Variants in ARHGAP27 observed in about 807,000 individuals in gnomAD.
ARHGAP27 encodes the protein rho GTPase-activating protein 27.
A neutral mutation model predicts 102.0 loss-of-function variants in ARHGAP27; 53 were observed. The ratio of observed to expected loss-of-function variants is 0.52; its 90% CI spans 0.42 to 0.65. ARHGAP27 has a LOEUF of 0.65. Among genes scored for constraint, ARHGAP27 ranks in the 30% least tolerant of loss-of-function variants. ARHGAP27 has a pLI of 0.00. For missense variants in ARHGAP27, 1,117 were observed against 1,256.2 expected (o/e 0.89, Z 1.68); for synonymous variants, 525 against 542.8 (o/e 0.97, Z 0.46).
chr17:45,399,363 C>T lies in ARHGAP27; in HGVS notation c.1744-1316G>A, dbSNP rs1342350968. On this transcript the variant is annotated intron_variant, in intron 12 of 19. Transcript: ENST00000685559. ...ATCCCAGCACTTTGGGAGGCTGAGG[C>T]GGGTGGATCATGAGGTCAGGAGATG... is the stretch of plus-strand genomic sequence containing the variant. 3.9e-5 allele frequency among the ~76,000 whole-genome samples: 6 copies of T among 152,096 alleles called. No individual in the cohort carries two copies. The East Asian group carries it at 7.7e-4, about 20-fold the overall frequency.
chr17:45,407,512 T>A (rs979082198), intron 4 of ARHGAP27: 1 of 147,582 alleles, frequency 6.8e-6, no homozygotes, highest in African/African-American at 2.5e-5. Context: ...TTCTTTTTCT[T>A]TTTTTTCTTT....
rs1275115197 is a variant in ARHGAP27 at position 45,427,356 on chromosome 17, C to T, written c.657+2267G>A. ...CAACCCTATGCTCCACTCTGAGCCC[C>T]GGCCCCATGTCTTCTCTTGCTGGCC... On this transcript the variant is annotated intron_variant, in intron 4 of 19. Coordinates refer to ENST00000685559, the MANE Select transcript of ARHGAP27 (RefSeq NM_001282290.2). The surrounding 1 kb of genome is among the most constrained non-coding windows in gnomAD (Gnocchi z 4.5). Among the ~76,000 whole-genome samples, 3 of 152,240 alleles carry T rather than the reference C, an allele frequency of 2.0e-5. No individual in the cohort carries two copies. Among genetic ancestry groups the T allele is most frequent in the Non-Finnish European group, 2.9e-5 (2 of 68,048 alleles).
chr17:45,430,171 G>C lies in ARHGAP27; in HGVS notation c.109C>G (p.Leu37Val), dbSNP rs1567743910. 6.5e-7 allele frequency: 1 copy of C among 1,539,422 alleles called. No individual in the cohort carries two copies. Among genetic ancestry groups the C allele is most frequent in the East Asian group, 2.4e-5 (1 of 41,100 alleles). ...CAGTGCTCGGTGCTGCGCCGCAGCA[G>C]CCGGTAGCGCTCATTCGGCCGGATG... is the stretch of plus-strand genomic sequence containing the variant. ...VAIRPNERYR[L>V]LRRSTEHWWH... Residue 37 changes from leucine to valine, a missense_variant, in exon 4 of 20, where the codon CTG becomes GTG. By Grantham distance (32) the Leu-to-Val change is conservative (BLOSUM62 1). Coordinates refer to ENST00000685559, the MANE Select transcript of ARHGAP27 (RefSeq NM_001282290.2). This position sits in a 1 kb window ranked among gnomAD's most constrained non-coding sequence, Gnocchi z 4.4.
chr17:45,396,451 C>G (rs1481794893), intron 16 of ARHGAP27, 36 bp downstream of exon 16: 7 of 1,497,248 alleles, frequency 4.7e-6, no homozygotes, highest in Non-Finnish European at 6.2e-6. Context: ...GCGGGCACCC[C>G]AATGCCTGCC....
chr17:45,423,846 G>A (rs2049279750), intron 4 of ARHGAP27, among the ~76,000 whole-genome samples: 1 of 152,228 alleles, frequency 6.6e-6, no homozygotes, highest in Non-Finnish European at 1.5e-5. Flanking sequence ...CGCATAAGAA[G>A]GCAGAATAAA....
At position 45,395,573 on chromosome 17, in the gene ARHGAP27, C is replaced by A; in HGVS notation, c.2553G>T (p.Gly851=). ...MSVQSVAIVF[G]PTLLRPEVEE... is the part of the protein sequence containing the mutation. ...CCACCTCGGGCCGCAGCAGCGTGGG[C>A]CCGAACACAATGGCCACGCTCTGCA... Residue 851 remains glycine (G), a synonymous_variant, in exon 20 of 20, where the codon GGG becomes GGT. Coordinates refer to ENST00000685559, the MANE Select transcript of ARHGAP27 (RefSeq NM_001282290.2). 6.2e-7 allele frequency: 1 copy of A among 1,605,726 alleles called. No homozygotes were observed. Among genetic ancestry groups the A allele is most frequent in the Non-Finnish European group, 8.5e-7 (1 of 1,176,436 alleles).
intron 4 of ARHGAP27, among the ~76,000 whole-genome samples, chr17:45,411,663 C>G (rs972523157): frequency 7.2e-5 from 11 of 152,096 alleles, no homozygotes; most frequent in African/African-American, 1.7e-4. Flanking sequence ...AAGCCCAGAC[C>G]CCAGGGGTAG....
At chr17:45,424,959 G>T (rs1471634722) in intron 4 of ARHGAP27, among the ~76,000 whole-genome samples, 1 of 148,118 alleles carries the variant, frequency 6.8e-6, no homozygotes, top group Non-Finnish European at 1.5e-5. Context: ...TGAGAGCCAG[G>T]CACAGGCTCC....
Position 45,396,769 on chromosome 17 carries a change from A to T in ARHGAP27, c.1973T>A (p.Val658Glu). The T allele has an allele frequency of 6.2e-7, 1 of 1,613,032 alleles. No homozygotes were observed. Among genetic ancestry groups the T allele is most frequent in the Non-Finnish European group, 8.5e-7 (1 of 1,179,466 alleles). The change falls in exon 15 of 20, where the codon GTG becomes GAG. Residue 658 changes from valine to glutamate, a missense_variant. Val to Glu is a moderately radical substitution (Grantham distance 121). Around this residue, in one of 3 missense-constraint regions of ARHGAP27, gnomAD observed 493 missense variants for 505.5 expected, o/e 0.98. Coordinates refer to ENST00000685559, the MANE Select transcript of ARHGAP27 (RefSeq NM_001282290.2). ...PNAAAPALGP[V>E]GLESDLSKVR... ...CTTGCTCAAGTCGCTCTCCAGGCCCACGGGGCCCAGGGCGGGCGCGGCTGC... is the reference window on the plus strand; with the variant it reads ...CTTGCTCAAGTCGCTCTCCAGGCCCTCGGGGCCCAGGGCGGGCGCGGCTGC...
intron 4 of ARHGAP27, among the ~76,000 whole-genome samples, chr17:45,425,247 G>A (rs746742144): frequency 2.6e-5 from 4 of 152,016 alleles, no homozygotes; most frequent in African/African-American, 4.8e-5. Context: ...GGGGGGTGCC[G>A]GAGGAGGGAG....
chr17:45,404,128 G>C (rs2046824853), intron 9 of ARHGAP27, 32 bp from the exon 10 acceptor site: 1 of 1,613,362 alleles, frequency 6.2e-7, no homozygotes. Flanking sequence ...AGGCGCAAGA[G>C]TGTGTAGTTA....
rs1164212160 is a variant in ARHGAP27 at position 45,405,756 on chromosome 17, C to T, written c.985G>A (p.Glu329Lys). The T allele has an allele frequency of 1.3e-6, 2 of 1,597,278 alleles. No individual in the cohort carries two copies. The highest frequency in any genetic ancestry group is 1.7e-6 in the Non-Finnish European group (2 of 1,178,112). ...TCGGGCTCGTTCTCGGCCTCGTCCTCCCAGGCCGTCTCGCCCGTCAGCGGG... is the reference window on the plus strand; with the variant it reads ...TCGGGCTCGTTCTCGGCCTCGTCCTTCCAGGCCGTCTCGCCCGTCAGCGGG... ...YNPLTGETAW[E>K]DEAENEPEEE... Residue 329 changes from glutamate to lysine, a missense_variant, in exon 5 of 20, where the codon GAG becomes AAG. Around this residue, in one of 3 missense-constraint regions of ARHGAP27, gnomAD observed 610 missense variants for 716.4 expected, o/e 0.85. Transcript: ENST00000685559.
intron 12 of ARHGAP27, among the ~76,000 whole-genome samples, chr17:45,401,245 G>A (rs1314527953): frequency 2.6e-5 from 4 of 151,602 alleles, no homozygotes; most frequent in Non-Finnish European, 4.4e-5. Flanking sequence ...AGCCTTAGGT[G>A]GGAAGATCGC....
At position 45,395,647 on chromosome 17, in the gene ARHGAP27, G is replaced by A. The variant is rs1190975548; in HGVS notation, c.2493-14C>T. On this transcript the variant is annotated splice_polypyrimidine_tract_variant and intron_variant, in intron 19 of 19. Transcript: ENST00000685559. The stretch of plus-strand genomic sequence containing the variant: ...TGCTCGATCACCCTGTGGCAGGGGT[G>A]GGTGGGTTCAGGGCTCCGAACTGCG... 2 of 1,594,180 alleles carry A rather than the reference G, an allele frequency of 1.3e-6. No homozygotes were observed. Among genetic ancestry groups the A allele is most frequent in the Non-Finnish European group, 1.7e-6 (2 of 1,171,314 alleles).
In ARHGAP27 at chr17:45,429,728, C is replaced by A. The variant is rs541430644; in HGVS notation, c.552G>T (p.Ala184=). ...GAGGCCGCGGGCACACCCAGGAGCC[C>A]GCCACGCTGCAGGCCTTGAAGCTGC... ...SSGSFKACSV[A]GSWVCPRPLA... The change falls in exon 4 of 20, where the codon GCG becomes GCT. Residue 184 remains alanine, a synonymous_variant. Transcript: ENST00000685559. 6.5e-7 allele frequency: 1 copy of A among 1,543,424 alleles called. No individual in the cohort carries two copies. The highest frequency in any genetic ancestry group is 8.7e-7 in the Non-Finnish European group (1 of 1,144,400).
intron 4 of ARHGAP27, among the ~76,000 whole-genome samples, chr17:45,415,062 CAAA>C (rs546453138): frequency 3.3e-5 from 2 of 61,322 alleles, no homozygotes; most frequent in Non-Finnish European, 3.3e-5. Context: ...GAGTCCATCT[CAAA>C]AAAAAAAAAA....
Position 45,430,039 on chromosome 17 carries a change from G to A in ARHGAP27, c.241C>T (p.Pro81Ser). The A allele has an allele frequency of 2.4e-6, 3 of 1,255,674 alleles. No individual in the cohort carries two copies. Among genetic ancestry groups the A allele is most frequent in the Non-Finnish European group, 3.0e-6 (3 of 1,001,848 alleles). The allele number at this position is 1,255,674 out of a possible 1,614,324, so 77.8% of individuals were successfully genotyped here. ...TCAGGGGCCGCGGGGCTCGGGTGGG[G>A]ACCTGGCGGCGCGGCGGCGGCAGGG... The part of the protein sequence containing the change: ...GNPAAAAPPG[P>S]HPSPAAPEPL... Residue 81 changes from proline (P) to serine (S), a missense_variant, in exon 4 of 20, where the codon CCC (proline) becomes TCC (serine). Pro to Ser is a moderately conservative substitution (Grantham distance 74). Around this residue, in one of 3 missense-constraint regions of ARHGAP27, gnomAD observed 610 missense variants for 716.4 expected, o/e 0.85. Coordinates refer to ENST00000685559, the MANE Select transcript of ARHGAP27 (RefSeq NM_001282290.2). This position sits in a 1 kb window ranked among gnomAD's most constrained non-coding sequence, Gnocchi z 4.4.
At chr17:45,408,182 CAATGAAAAGAAG>C (rs2047456910) in intron 4 of ARHGAP27, 1 of 151,388 alleles carries the variant, frequency 6.6e-6, no homozygotes, top group Non-Finnish European at 1.5e-5. Flanking sequence ...CAAACCAAAA[CAATGAAAAGAAG>C]AAGGAAAAGA....
At chr17:45,425,636 C>G (rs912681914) in intron 4 of ARHGAP27, 21 of 985,352 alleles carry the variant, frequency 2.1e-5, no homozygotes, top group Admixed American at 6.1e-5. Flanking sequence ...TCATGTGCGG[C>G]GCCTCCGGGG....
Sources: gnomAD v4.1 joint callset for allele counts (sites outside exome capture counted in the v4.1 genomes callset) on GRCh38, gnomAD v4.1.1 for gene constraint, gnomAD v4.1.1 regional missense constraint, Gnocchi (gnomAD v3.1) non-coding constraint, MANE v1.5 for transcripts, NCBI Gene and HGNC (gene_info 2026-07-23, HGNC 2026-07-21) for gene names.